The following CALCRL variants were observed in gnomAD, a reference collection of about 807,000 sequenced individuals.
CALCRL encodes the protein calcitonin gene-related peptide type 1 receptor.
CALCRL carries 27 observed loss-of-function variants against 60.4 expected under a neutral mutation model. That is an observed-to-expected ratio of 0.45 (90% CI 0.33 to 0.62). The LOEUF (loss-of-function observed/expected upper bound fraction) is 0.62, where lower values mean the gene tolerates loss of function less well. CALCRL is among the 20% of genes least tolerant of loss of function. CALCRL has a pLI of 0.03. For synonymous variants in CALCRL, 190 were observed against 182.6 expected, an observed-to-expected ratio of 1.04 and a Z score of -0.33; for missense variants, 424 against 540.7, an observed-to-expected ratio of 0.78 and a Z score of 2.14.
rs773801851 is a variant in CALCRL, at chr2:187,352,128, G to C, written c.1114C>G (p.Leu372Val). The C allele has an allele frequency of 1.9e-6, 3 of 1,611,644 alleles. No individual in the cohort carries two copies. In the South Asian group the frequency reaches 3.3e-5, roughly 18 times the overall value. ...GAATGCCATACCTGGAAGTGCATAAGGATGTGCATGATGTAGTCATATACC... is the reference window on the plus strand; with the variant it reads ...GAATGCCATACCTGGAAGTGCATAACGATGTGCATGATGTAGTCATATACC... ...EEVYDYIMHILMHFQGLLVST... is the reference protein window; with the variant it reads ...EEVYDYIMHIVMHFQGLLVST... Residue 372 changes from leucine (L) to valine (V), a missense_variant, in exon 13 of 15, where the codon CTT becomes GTT. Physicochemically the swap from Leu to Val is conservative, Grantham distance 32. Coordinates refer to ENST00000392370, the MANE Select transcript of CALCRL (RefSeq NM_005795.6).
At chr2:187,424,537 T>C (rs1690035025) in intron 1 of CALCRL, among the ~76,000 whole-genome samples, 1 of 152,066 alleles carries the variant, frequency 6.6e-6, no homozygotes, top group African/African-American at 2.4e-5. Context: ...AGTAATATAT[T>C]GTTAATTATA....
At chr2:187,382,696 G>C (rs1300706256) in intron 5 of CALCRL, among the ~76,000 whole-genome samples, 1 of 151,986 alleles carries the variant, frequency 6.6e-6, no homozygotes, top group Admixed American at 6.6e-5. Context: ...AAAAGCAAAA[G>C]AATATCTTAA....
intron 4 of CALCRL, among the ~76,000 whole-genome samples, chr2:187,385,155 C>T (rs1027808604): frequency 2.0e-5 from 3 of 152,180 alleles, no homozygotes; most frequent in Non-Finnish European, 2.9e-5. Context: ...TGTCAATCAA[C>T]TGGCAGAACG....
At chr2:187,380,869 T>A in intron 5 of CALCRL, 82 bp from the exon 6 acceptor site, 1 of 997,440 alleles carries the variant, frequency 1.0e-6, no homozygotes. Context: ...GGTTTCACAC[T>A]GATGTGGAGT....
rs369275005 is a variant in CALCRL at position 187,380,833 on chromosome 2, A to G, written c.185-46T>C. The G allele has an allele frequency of 1.9e-4, 267 of 1,428,526 alleles. 1 individual carries two copies. The highest frequency in any genetic ancestry group is 3.4e-5 in the Non-Finnish European group (35 of 1,023,350). 88.5% of individuals were successfully genotyped at this position (1,428,526 alleles called of 1,614,324 possible). A position where few individuals can be genotyped will look rare whatever the true frequency, so the allele number is the denominator to read the frequency against. On this transcript the variant is annotated intron_variant, in intron 5 of 14. Coordinates refer to ENST00000392370, the MANE Select transcript of CALCRL (RefSeq NM_005795.6). ...TGGGGATAATTAAATCCTTCTACTT[A>G]TACATGAAGACATAGTTTTAAAAGT...
At chr2:187,407,966 A>G (rs945585785) in intron 1 of CALCRL, among the ~76,000 whole-genome samples, 15 of 152,042 alleles carry the variant, frequency 9.9e-5, no homozygotes, top group African/African-American at 3.1e-4. Flanking sequence ...TTCTGACACT[A>G]AGCAAACTCT....
chr2:187,428,140 A>AAAT (rs968843813), intron 1 of CALCRL, among the ~76,000 whole-genome samples: 2 of 152,192 alleles, frequency 1.3e-5, no homozygotes, highest in East Asian at 3.8e-4. Context: ...CATTTTACAG[A>AAAT]AATAATAATA....
chr2:187,432,677 A>G (rs369787075), intron 1 of CALCRL, among the ~76,000 whole-genome samples: 59 of 152,246 alleles, frequency 3.9e-4, no homozygotes, highest in African/African-American at 1.2e-3. Context: ...AACACATTTT[A>G]TAATTAGAAT....
intron 1 of CALCRL, among the ~76,000 whole-genome samples, chr2:187,435,576 T>C (rs1192943275): frequency 6.6e-6 from 1 of 152,170 alleles, no homozygotes; most frequent in Middle Eastern, 3.2e-3. Context: ...TGTTCTTAAT[T>C]ATAAAGGTTT....
chr2:187,358,255 CTGAGGTGGG>C (rs1686888304), intron 12 of CALCRL, among the ~76,000 whole-genome samples: 1 of 151,970 alleles, frequency 6.6e-6, no homozygotes, highest in South Asian at 2.1e-4. Flanking sequence ...TCTCAAGAGC[CTGAGGTGGG>C]AGGATCCCTT....
intron 1 of CALCRL, among the ~76,000 whole-genome samples, chr2:187,415,012 T>C (rs1316128399): frequency 6.6e-6 from 1 of 151,988 alleles, no homozygotes; most frequent in Admixed American, 6.6e-5. Context: ...TTAGGTGTGG[T>C]CACTGGTGCT....
chr2:187,418,433 T>C (rs1230082199), intron 1 of CALCRL, among the ~76,000 whole-genome samples: 1 of 152,242 alleles, frequency 6.6e-6, no homozygotes, highest in Non-Finnish European at 1.5e-5. Context: ...TTCCCATATC[T>C]ACTTAATGAC....
At chr2:187,365,958 A>T (rs1687257295) in intron 8 of CALCRL, among the ~76,000 whole-genome samples, 1 of 152,152 alleles carries the variant, frequency 6.6e-6, no homozygotes, top group Admixed American at 6.5e-5. Context: ...AGATAAGAGG[A>T]ATAGGCCGGG....
At chr2:187,406,717 G>C (rs1689147222) in intron 1 of CALCRL, among the ~76,000 whole-genome samples, 1 of 151,908 alleles carries the variant, frequency 6.6e-6, no homozygotes, top group Non-Finnish European at 1.5e-5. Context: ...TTTTTGCTGT[G>C]TACATATGAG....
At chr2:187,381,186 G>T (rs189445632) in intron 5 of CALCRL, among the ~76,000 whole-genome samples, 1 of 151,784 alleles carries the variant, frequency 6.6e-6, no homozygotes, top group East Asian at 1.9e-4. Context: ...TTAGGGCAAG[G>T]TGTTAGTATT....
chr2:187,371,631 G>A (rs1687523585), intron 8 of CALCRL, among the ~76,000 whole-genome samples: 1 of 151,956 alleles, frequency 6.6e-6, no homozygotes, highest in African/African-American at 2.4e-5. Flanking sequence ...AATCATGTGG[G>A]AGGCTGAGGC....
In CALCRL at chr2:187,342,581, T is replaced by C. The variant is rs1288759526; in HGVS notation, c.*3603A>G. ...AAGAATATTCTTTCTTTGAGATTAG[T>C]ATAATCACAAGGAGGAGAGATTATA... is the stretch of plus-strand genomic sequence containing the variant. On this transcript the variant is annotated 3_prime_UTR_variant, in exon 15 of 15. Transcript: ENST00000392370. 6.6e-6 allele frequency among the ~76,000 whole-genome samples: 1 copy of C among 151,530 alleles called. No homozygotes were observed. Among genetic ancestry groups the C allele is most frequent in the Non-Finnish European group, 1.5e-5 (1 of 67,606 alleles).
intron 1 of CALCRL, among the ~76,000 whole-genome samples, chr2:187,437,351 G>A (rs981643386): frequency 1.3e-5 from 2 of 152,162 alleles, no homozygotes; most frequent in African/African-American, 2.4e-5. Flanking sequence ...GACCATCCTG[G>A]CTAATACAGT....
chr2:187,406,928 G>A (rs1689159479), intron 1 of CALCRL, among the ~76,000 whole-genome samples: 2 of 151,996 alleles, frequency 1.3e-5, no homozygotes, highest in African/African-American at 4.8e-5. Flanking sequence ...TGTTTGTGAA[G>A]TCTACCATCT....
Sources: allele counts gnomAD v4.1 joint callset (sites outside exome capture counted in the v4.1 genomes callset), GRCh38; gene constraint gnomAD v4.1.1; transcripts MANE v1.5; gene names NCBI Gene and HGNC (gene_info 2026-07-23, HGNC 2026-07-21).